Variants in SCARB2 observed in about 807,000 individuals in gnomAD.
SCARB2 encodes lysosome membrane protein 2.
Under a neutral mutation model 58.6 loss-of-function variants are expected in SCARB2, and 29 were observed. The observed-to-expected ratio is 0.49, with a 90% CI of 0.37 to 0.67. SCARB2 has a LOEUF of 0.67. Among genes scored for constraint, SCARB2 ranks in the 30% least tolerant of loss-of-function variants. The pLI is 0.00. For synonymous variants in SCARB2, 195 were observed against 210.1 expected, an observed-to-expected ratio of 0.93 and a Z score of 0.62; for missense variants, 488 against 578.5, an observed-to-expected ratio of 0.84 and a Z score of 1.60.
At chr4:76,207,655 T>C (rs759049735) in intron 1 of SCARB2, among the ~76,000 whole-genome samples, 5 of 152,226 alleles carry the variant, frequency 3.3e-5, no homozygotes, top group Non-Finnish European at 7.3e-5. Context: ...GTATAGATAG[T>C]GCATATCTTG....
intron 4 of SCARB2, among the ~76,000 whole-genome samples, chr4:76,178,494 T>C (rs1020884317): frequency 6.6e-6 from 1 of 152,228 alleles, no homozygotes; most frequent in Non-Finnish European, 1.5e-5. Flanking sequence ...GCTGATGGAT[T>C]GAAGCCACTG....
At chr4:76,227,250 T>A (rs1341279472) in intron 1 of SCARB2, among the ~76,000 whole-genome samples, 1 of 152,240 alleles carries the variant, frequency 6.6e-6, no homozygotes, top group South Asian at 2.1e-4. Flanking sequence ...AAGAATTTTT[T>A]AAATTTCCAT....
intron 1 of SCARB2, among the ~76,000 whole-genome samples, chr4:76,199,913 C>T (rs1732795715): frequency 6.6e-6 from 1 of 152,214 alleles, no homozygotes; most frequent in South Asian, 2.1e-4. Context: ...CCAGAGAGGG[C>T]TCTGTTTTGA....
chr4:76,174,006 A>T, intron 7 of SCARB2, 138 bp downstream of exon 7: 1 of 1,067,686 alleles, frequency 9.4e-7, no homozygotes, highest in East Asian at 2.4e-5. Context: ...CCTGGGCTCA[A>T]GTGATCATCC....
intron 10 of SCARB2, chr4:76,163,761 C>A (rs769768257): frequency 3.0e-6 from 1 of 335,928 alleles, no homozygotes; most frequent in Non-Finnish European, 5.7e-6. Flanking sequence ...GGCCTCCTCC[C>A]TAAGTTTCCA....
intron 1 of SCARB2, among the ~76,000 whole-genome samples, chr4:76,203,512 T>C (rs1482175116): frequency 6.6e-6 from 1 of 152,226 alleles, no homozygotes; most frequent in East Asian, 1.9e-4. Flanking sequence ...ATTTCTTGAA[T>C]TACTGGAGAA....
At chr4:76,189,212 C>A (rs6825004) in intron 2 of SCARB2, among the ~76,000 whole-genome samples, 120 of 152,110 alleles carry the variant, frequency 7.9e-4, no homozygotes, top group Non-Finnish European at 1.9e-4. Context: ...GGAAGAAAGA[C>A]AGATACCTAA....
At chr4:76,227,209 G>A (rs1733413470) in intron 1 of SCARB2, among the ~76,000 whole-genome samples, 1 of 152,068 alleles carries the variant, frequency 6.6e-6, no homozygotes, top group South Asian at 2.1e-4. Flanking sequence ...GTGCCAGAGG[G>A]TTTGATAAGT....
intron 6 of SCARB2, chr4:76,174,941 T>C (rs1732217058): frequency 1.3e-5 from 2 of 155,216 alleles, no homozygotes; most frequent in Admixed American, 6.3e-5. Flanking sequence ...CACTGCATAG[T>C]GCCTAACCAC....
chr4:76,231,293 T>G (rs1733488317), intron 1 of SCARB2, among the ~76,000 whole-genome samples: 1 of 152,122 alleles, frequency 6.6e-6, no homozygotes, highest in South Asian at 2.1e-4. Context: ...CCTGGCAGGG[T>G]TTTCAGGATA....
chr4:76,195,418 G>C (rs904208190), intron 2 of SCARB2: 4 of 351,670 alleles, frequency 1.1e-5, no homozygotes, highest in Non-Finnish European at 2.1e-5. Flanking sequence ...CCTTAAAAGG[G>C]TCAGGGTAAG....
intron 1 of SCARB2, chr4:76,213,160 T>C (rs1184731546): frequency 8.7e-6 from 4 of 459,162 alleles, no homozygotes; most frequent in Non-Finnish European, 1.6e-5. Context: ...TGGGGAGAGA[T>C]GCAAACGACA....
intron 1 of SCARB2, among the ~76,000 whole-genome samples, chr4:76,198,824 G>A (rs904708356): frequency 6.8e-6 from 1 of 147,958 alleles, no homozygotes. Flanking sequence ...AGTAGATCAC[G>A]TGCTGGAGAG....
chr4:76,217,436 T>A, upstream of SCARB2: 1 of 399,716 alleles, frequency 2.5e-6, no homozygotes, highest in Non-Finnish European at 4.4e-6. Flanking sequence ...AGATTGTTCA[T>A]GAATAGATTA....
At chr4:76,197,412 G>C (rs1732736122) in intron 1 of SCARB2, among the ~76,000 whole-genome samples, 1 of 152,236 alleles carries the variant, frequency 6.6e-6, no homozygotes, top group South Asian at 2.1e-4. Flanking sequence ...GCCACAGGTA[G>C]CTGCTGATCC....
chr4:76,228,099 T>TTC (rs58830303), intron 1 of SCARB2, among the ~76,000 whole-genome samples: 1 of 151,578 alleles, frequency 6.6e-6, no homozygotes, highest in Non-Finnish European at 1.5e-5. Context: ...CCTTTTTTTT[T>TTC]CATTGTGTTG....
chr4:76,200,481 A>G (rs1732807691), intron 1 of SCARB2, among the ~76,000 whole-genome samples: 1 of 152,220 alleles, frequency 6.6e-6, no homozygotes, highest in Admixed American at 6.5e-5. Context: ...GGACTAAAAA[A>G]CATACTTTTC....
chr4:76,209,555 G>C (rs1377170044), intron 1 of SCARB2, among the ~76,000 whole-genome samples: 1 of 152,104 alleles, frequency 6.6e-6, no homozygotes, highest in Non-Finnish European at 1.5e-5. Context: ...TTTTAGTAGA[G>C]ACAGGGTTTC....
At chr4:76,207,224 A>G (rs1018116117) in intron 1 of SCARB2, among the ~76,000 whole-genome samples, 10 of 152,288 alleles carry the variant, frequency 6.6e-5, no homozygotes, top group African/African-American at 2.2e-4. Flanking sequence ...CGTGATATAT[A>G]ATGATGTCAT....
Sources: gnomAD v4.1 joint callset for allele counts (sites outside exome capture counted in the v4.1 genomes callset) on GRCh38, gnomAD v4.1.1 for gene constraint, MANE v1.5 for transcripts, NCBI Gene and HGNC (gene_info 2026-07-23, HGNC 2026-07-21) for gene names.